THBS1: variants seen among roughly 807,000 people sequenced by gnomAD.
The protein encoded by THBS1 is thrombospondin-1.
THBS1 carries 29 observed loss-of-function variants against 126.1 expected under a neutral mutation model. The observed-to-expected ratio is 0.23, with a 90% CI of 0.17 to 0.31. The LOEUF is 0.31. Ranked by LOEUF, THBS1 falls within the 10% of genes least tolerant of loss-of-function variation. THBS1 has a pLI of 1.00. For missense variants in THBS1, 1,198 were observed against 1,545.2 expected, an observed-to-expected ratio of 0.78 and a Z score of 3.77; for synonymous variants, 496 against 577.8, an observed-to-expected ratio of 0.86 and a Z score of 2.03.
At position 39,594,403 on chromosome 15, in the gene THBS1, A is replaced by G; in HGVS notation, c.3468A>G (p.Glu1156=). 6.2e-7 allele frequency: 1 copy of G among 1,614,240 alleles called. No homozygotes were observed. The highest frequency in any genetic ancestry group is 8.5e-7 in the Non-Finnish European group (1 of 1,180,050). Residue 1156 remains glutamate, a synonymous_variant, in exon 21 of 22, where the codon GAA becomes GAG. Transcript: ENST00000260356. The surrounding 1 kb of genome is among the most constrained non-coding windows in gnomAD (Gnocchi z 4.4). ...GRLGLFVFSQ[E]MVFFSDLKYE... is the part of the protein sequence containing the mutation. ...TAGGGTTGTTTGTCTTCTCTCAAGA[A>G]ATGGTGTTCTTCTCTGACCTGAAAT...
At chr15:39,588,367 G>A in intron 9 of THBS1, 149 bp downstream of exon 9, 1 of 1,290,650 alleles carries the variant, frequency 7.7e-7, no homozygotes, top group Non-Finnish European at 1.0e-6. Flanking sequence ...TGCAGGCTCA[G>A]CAACTTCTTT....
At chr15:39,588,863 C>T (rs775986865) in intron 10 of THBS1, 96 bp from the exon 11 acceptor site, 5 of 1,605,904 alleles carry the variant, frequency 3.1e-6, no homozygotes, top group African/African-American at 1.3e-5. Context: ...GTTCCCTATA[C>T]CCTATAATAT....
rs780710874 is a variant in THBS1 at position 39,589,802 on chromosome 15, C to G, written c.1927-3C>G. On this transcript the variant is annotated splice_region_variant and splice_polypyrimidine_tract_variant and intron_variant, in intron 12 of 21. Coordinates refer to ENST00000260356, the MANE Select transcript of THBS1 (RefSeq NM_003246.4). This position sits in a 1 kb window ranked among gnomAD's most constrained non-coding sequence, Gnocchi z 4.7. ...GTGTAACAGCAGCATGGTGTACCCT[C>G]AGGTGTGCAAGCCCCGTAACCCCTG... 1.2e-6 allele frequency: 2 copies of G among 1,604,286 alleles called. No homozygotes were observed. The highest frequency in any genetic ancestry group is 1.7e-6 in the Non-Finnish European group (2 of 1,175,048).
Position 39,594,020 on chromosome 15 carries a change from C to T in THBS1, c.3268-79C>T. 2 of 1,428,430 alleles carry T rather than the reference C, an allele frequency of 1.4e-6. No individual in the cohort carries two copies. The highest frequency in any genetic ancestry group is 1.9e-6 in the Non-Finnish European group (2 of 1,045,074). 88.5% of individuals were successfully genotyped at this position (1,428,430 alleles called of 1,614,324 possible). ...TTAGATCAGCTCAGTACCTTTCAAG[C>T]ATTGTTTCTGATGGAATGAAATAGA... is the stretch of plus-strand genomic sequence containing the variant. On this transcript the variant is annotated intron_variant, in intron 19 of 21. Coordinates refer to ENST00000260356, the MANE Select transcript of THBS1 (RefSeq NM_003246.4). The surrounding 1 kb of genome is among the most constrained non-coding windows in gnomAD (Gnocchi z 4.4).
At chr15:39,590,452 C>T in intron 13 of THBS1, 64 bp from the exon 14 acceptor site, 1 of 1,301,066 alleles carries the variant, frequency 7.7e-7, no homozygotes, top group Non-Finnish European at 1.1e-6. Context: ...GGTACACTCC[C>T]TCGTGCATGA....
In THBS1 at chr15:39,598,570, TA is replaced by T. The variant is rs1208375422; in HGVS notation, c.*3203del. ...GCAAAACTGATTGAAAATACCAAGA[TA>T]AGACAGAAAAAGTGACTGGAAAGAG... On this transcript the variant is annotated 3_prime_UTR_variant, in exon 22 of 22. Coordinates refer to ENST00000260356, the MANE Select transcript of THBS1 (RefSeq NM_003246.4). The T allele has an allele frequency of 6.6e-6, 1 of 152,190 alleles. No individual in the cohort carries two copies. The highest frequency in any genetic ancestry group is 2.4e-5 in the African/African-American group (1 of 41,442). 9.4% of individuals were successfully genotyped at this position (152,190 alleles called of 1,614,324 possible). A position where few individuals can be genotyped will look rare whatever the true frequency, so the allele number is the denominator to read the frequency against.
Position 39,581,886 on chromosome 15 carries a change from T to C in THBS1, c.29T>C (p.Leu10Pro). Residue 10 changes from leucine to proline, a missense_variant, in exon 2 of 22, where the codon CTG (leucine) becomes CCG (proline). By Grantham distance (98) the Leu-to-Pro change is moderately conservative. Around this residue, in one of 4 missense-constraint regions of THBS1, gnomAD observed 271 missense variants for 277.0 expected, o/e 0.98. Transcript: ENST00000260356. ...GGGCTGGCCTGGGGACTAGGCGTCC[T>C]GTTCCTGATGCATGTGTGTGGCACC... is the stretch of plus-strand genomic sequence containing the variant. MGLAWGLGV[L>P]FLMHVCGTNR... is the part of the protein sequence containing the mutation. 6.2e-7 allele frequency: 1 copy of C among 1,614,130 alleles called. No individual in the cohort carries two copies. The highest frequency in any genetic ancestry group is 8.5e-7 in the Non-Finnish European group (1 of 1,180,016).
intron 4 of THBS1, 125 bp downstream of exon 4, chr15:39,583,817 C>A: frequency 1.6e-6 from 2 of 1,232,342 alleles, no homozygotes; most frequent in South Asian, 1.4e-5. Context: ...AAGAGGCATA[C>A]AGAAGTGACT....
In THBS1 at chr15:39,589,727, A is replaced by G; in HGVS notation, c.1927-78A>G. The G allele has an allele frequency of 3.5e-6, 5 of 1,418,874 alleles. No individual in the cohort carries two copies. The highest frequency in any genetic ancestry group is 4.7e-6 in the Non-Finnish European group (5 of 1,060,914). The allele number at this position is 1,418,874 out of a possible 1,614,324, so 87.9% of individuals were successfully genotyped here. A position where few individuals can be genotyped will look rare whatever the true frequency, so the allele number is the denominator to read the frequency against. ...GAGCCTCTGTCTACTCAGAGATGACAGGGATCTGGATTCTTGTTTCCATGA... is the reference window on the plus strand; with the variant it reads ...GAGCCTCTGTCTACTCAGAGATGACGGGGATCTGGATTCTTGTTTCCATGA... On this transcript the variant is annotated intron_variant, in intron 12 of 21. Coordinates refer to ENST00000260356, the MANE Select transcript of THBS1 (RefSeq NM_003246.4). This position sits in a 1 kb window ranked among gnomAD's most constrained non-coding sequence, Gnocchi z 4.7.
Position 39,594,118 on chromosome 15 carries a change from A to G in THBS1, c.3287A>G (p.Asp1096Gly). The G allele has an allele frequency of 6.2e-7, 1 of 1,613,952 alleles. No individual in the cohort carries two copies. Residue 1096 changes from aspartate (D) to glycine (G), a missense_variant, in exon 20 of 22, where the codon GAC becomes GGC. Asp to Gly is a moderately conservative substitution (Grantham distance 94). Transcript: ENST00000260356. The surrounding 1 kb of genome is among the most constrained non-coding windows in gnomAD (Gnocchi z 4.4). ...CTTCAGGTGCGCACCCTGTGGCATG[A>G]CCCTCGTCACATAGGCTGGAAAGAT... is the stretch of plus-strand genomic sequence containing the variant. ...TPGQVRTLWHDPRHIGWKDFT... is the reference protein window; with the variant it reads ...TPGQVRTLWHGPRHIGWKDFT...
In THBS1 at chr15:39,582,752, G is replaced by C; in HGVS notation, c.627G>C (p.Gln209His). The change falls in exon 3 of 22, where the codon CAG becomes CAC. Residue 209 changes from glutamine to histidine, a missense_variant and splice_region_variant. Physicochemically the swap from Gln to His is conservative, Grantham distance 24. Transcript: ENST00000260356. ...IAKGGVNDNFQGVLQNVRFVF... is the reference protein window; with the variant it reads ...IAKGGVNDNFHGVLQNVRFVF... ...AGGGGGGCGTCAATGACAATTTCCA[G>C]GTGAGGCTTCTTCTCTGAGCCCTGC... The C allele has an allele frequency of 8.7e-6, 14 of 1,603,528 alleles. No homozygotes were observed. Among genetic ancestry groups the C allele is most frequent in the Non-Finnish European group, 1.1e-5 (13 of 1,175,458 alleles).
rs180683838 is a variant in THBS1, at chr15:39,589,166, T to G, written c.1774-36T>G. 5.1e-4 allele frequency: 819 copies of G among 1,613,726 alleles called. 2 individuals carry two copies. The highest frequency in any genetic ancestry group is 1.6e-3 in the Admixed American group (99 of 60,022). On this transcript the variant is annotated intron_variant, in intron 11 of 21. Coordinates refer to ENST00000260356, the MANE Select transcript of THBS1 (RefSeq NM_003246.4). This position sits in a 1 kb window ranked among gnomAD's most constrained non-coding sequence, Gnocchi z 4.7. ...GCAGTCGCTTCCTTATGGCAGTGAC[T>G]TCTAAACATGATGCACGCTCTTATT...
Position 39,597,014 on chromosome 15 carries a change from AG to A in THBS1, c.*1646del, listed in dbSNP as rs1890463622. Reference sequence around the variant, plus strand: ...GTTGTACATAGCATAAAAACTCTGCAGAGAAGTATTCCCAATAAGGAAATAG... The same window carrying A: ...GTTGTACATAGCATAAAAACTCTGCAAGAAGTATTCCCAATAAGGAAATAG... On this transcript the variant is annotated 3_prime_UTR_variant, in exon 22 of 22. Coordinates refer to ENST00000260356, the MANE Select transcript of THBS1 (RefSeq NM_003246.4). 2.0e-5 allele frequency: 3 copies of A among 152,242 alleles called. No individual in the cohort carries two copies. Among genetic ancestry groups the A allele is most frequent in the Admixed American group, 2.0e-4 (3 of 15,286 alleles). 9.4% of individuals were successfully genotyped at this position (152,242 alleles called of 1,614,324 possible). A position where few individuals can be genotyped will look rare whatever the true frequency, so the allele number is the denominator to read the frequency against.
chr15:39,591,016 C>A (rs2140348870), intron 14 of THBS1, 175 bp from the exon 15 acceptor site: 3 of 695,362 alleles, frequency 4.3e-6, no homozygotes, highest in African/African-American at 1.8e-5. Flanking sequence ...ATTTTTTTAA[C>A]TATGTCCTTT....
chr15:39,588,147 C>T lies in THBS1; in HGVS notation c.1400C>T (p.Pro467Leu). Residue 467 changes from proline to leucine, a missense_variant, in exon 9 of 22, where the codon CCC becomes CTC. Transcript: ENST00000260356. Reference sequence around the variant, plus strand: ...ATCCGGCTCTGCAACTCTCCCAGCCCCCAGATGAACGGGAAACCCTGTGAA... The same window carrying T: ...ATCCGGCTCTGCAACTCTCCCAGCCTCCAGATGAACGGGAAACCCTGTGAA... ...TRIRLCNSPSPQMNGKPCEGE... is the reference protein window; with the variant it reads ...TRIRLCNSPSLQMNGKPCEGE... 6.2e-7 allele frequency: 1 copy of T among 1,614,196 alleles called. No individual in the cohort carries two copies. The highest frequency in any genetic ancestry group is 1.1e-5 in the South Asian group (1 of 91,082).
At chr15:39,588,898 A>G in intron 10 of THBS1, 61 bp from the exon 11 acceptor site, 4 of 1,613,882 alleles carry the variant, frequency 2.5e-6, no homozygotes, top group Admixed American at 1.7e-5. Flanking sequence ...AGTGCCCAGC[A>G]TGGCAGTATG....
chr15:39,585,505 C>T lies in THBS1; in HGVS notation c.1062C>T (p.Pro354=). 1.2e-6 allele frequency: 2 copies of T among 1,614,204 alleles called. No homozygotes were observed. Among genetic ancestry groups the T allele is most frequent in the Non-Finnish European group, 1.7e-6 (2 of 1,180,042 alleles). ...CCATCTGCAAAAAGGTGTCCTGCCC[C>T]ATCATGCCCTGCTCCAATGCCACAG... The part of the protein sequence containing the change: ...SVTICKKVSC[P]IMPCSNATVP... Residue 354 remains proline, a synonymous_variant, in exon 7 of 22, where the codon CCC becomes CCT. Coordinates refer to ENST00000260356, the MANE Select transcript of THBS1 (RefSeq NM_003246.4).
chr15:39,583,879 C>A, intron 4 of THBS1, 109 bp from the exon 5 acceptor site: 2 of 1,386,024 alleles, frequency 1.4e-6, no homozygotes, highest in Non-Finnish European at 2.0e-6. Flanking sequence ...TACACGCAAC[C>A]CCTCTACCTG....
At chr15:39,590,911 A>T in intron 14 of THBS1, 2 of 536,500 alleles carry the variant, frequency 3.7e-6, no homozygotes, top group Non-Finnish European at 6.5e-6. Context: ...CAAATGTCAC[A>T]TCGAAATTAC....
Sources: gnomAD v4.1 joint callset for allele counts on GRCh38, gnomAD v4.1.1 for gene constraint, gnomAD v4.1.1 regional missense constraint, Gnocchi (gnomAD v3.1) non-coding constraint, MANE v1.5 for transcripts, NCBI Gene and HGNC (gene_info 2026-07-23, HGNC 2026-07-21) for gene names.